Variants in CDH12 observed in about 807,000 individuals in gnomAD.
The protein encoded by CDH12 is cadherin-12.
CDH12 carries 41 observed loss-of-function variants against 74.1 expected under a neutral mutation model. The observed-to-expected ratio is 0.55, with a 90% CI of 0.43 to 0.72. CDH12 has a LOEUF of 0.72. Among genes scored for constraint, CDH12 ranks in the 30% least tolerant of loss-of-function variants. The pLI, the probability that CDH12 is intolerant of heterozygous loss-of-function variation, is 0.00. For missense variants in CDH12, 945 were observed against 977.2 expected (o/e 0.97, Z 0.44); for synonymous variants, 399 against 355.0 (o/e 1.12, Z -1.39).
chr5:22,510,016 A>G (rs186955512), intron 1 of CDH12, among the ~76,000 whole-genome samples: 28 of 147,668 alleles, frequency 1.9e-4, no homozygotes, highest in African/African-American at 6.7e-4. Flanking sequence ...GAAAAAATTT[A>G]AAAAAAAAAA....
chr5:22,705,177 T>C (rs1742936088), intron 1 of CDH12, among the ~76,000 whole-genome samples: 1 of 145,468 alleles, frequency 6.9e-6, no homozygotes, highest in Admixed American at 6.9e-5. Context: ...TAGAGATACG[T>C]GTGTGTGTAT....
chr5:22,678,167 A>G (rs1220827310), intron 1 of CDH12, among the ~76,000 whole-genome samples: 2 of 152,052 alleles, frequency 1.3e-5, no homozygotes, highest in Non-Finnish European at 2.9e-5. Flanking sequence ...CGAATCTACA[A>G]ATTTAGAAAA....
At chr5:21,786,060 G>A (rs917176279) in intron 10 of CDH12, among the ~76,000 whole-genome samples, 1 of 152,118 alleles carries the variant, frequency 6.6e-6, no homozygotes, top group Non-Finnish European at 1.5e-5. Context: ...AAAAATCCTA[G>A]AGCCCCTATG....
chr5:21,827,913 C>T (rs1748769163), intron 8 of CDH12, among the ~76,000 whole-genome samples: 1 of 152,196 alleles, frequency 6.6e-6, no homozygotes, highest in African/African-American at 2.4e-5. Context: ...ATTTAATATT[C>T]TCTTAAAACC....
At chr5:22,757,187 G>A (rs1745969950) in intron 1 of CDH12, among the ~76,000 whole-genome samples, 1 of 152,088 alleles carries the variant, frequency 6.6e-6, no homozygotes, top group Non-Finnish European at 1.5e-5. Context: ...GTAGATAAAA[G>A]CTATCTCTTG....
At chr5:22,473,217 A>C (rs772701479) in intron 2 of CDH12, among the ~76,000 whole-genome samples, 1 of 152,136 alleles carries the variant, frequency 6.6e-6, no homozygotes, top group Non-Finnish European at 1.5e-5. Flanking sequence ...AAAATTTATT[A>C]AAAAGCCTTT....
chr5:22,180,551 C>T (rs191033484), intron 4 of CDH12, among the ~76,000 whole-genome samples: 11 of 151,166 alleles, frequency 7.3e-5, no homozygotes, highest in African/African-American at 2.7e-4. Context: ...TTCACTTTGT[C>T]GCCCAAGCTG....
intron 1 of CDH12, among the ~76,000 whole-genome samples, chr5:22,691,288 T>G (rs542540082): frequency 6.6e-6 from 1 of 152,186 alleles, no homozygotes; most frequent in Non-Finnish European, 1.5e-5. Context: ...CCATGTTAAC[T>G]ATGAGCTAGA....
intron 10 of CDH12, among the ~76,000 whole-genome samples, chr5:21,791,379 G>A (rs781595725): frequency 6.6e-6 from 1 of 151,980 alleles, no homozygotes; most frequent in Non-Finnish European, 1.5e-5. Context: ...AAATTTTGAG[G>A]AGTTACAGCC....
At chr5:22,828,601 C>T (rs958328856) in intron 1 of CDH12, among the ~76,000 whole-genome samples, 10 of 152,088 alleles carry the variant, frequency 6.6e-5, no homozygotes, top group East Asian at 1.9e-4. Context: ...GAATAAAGTC[C>T]GCTGAAGGAA....
chr5:22,289,950 C>T (rs565373698), intron 3 of CDH12, among the ~76,000 whole-genome samples: 3 of 152,190 alleles, frequency 2.0e-5, no homozygotes, highest in South Asian at 2.1e-4. Context: ...CAGTGTTAGG[C>T]CAGCTTCAGG....
At chr5:22,660,071 C>T (rs78395177) in intron 1 of CDH12, among the ~76,000 whole-genome samples, 7,217 of 152,050 alleles carry the variant, frequency 0.047, 216 homozygotes, top group Admixed American at 0.074. Flanking sequence ...TTCTTTCATG[C>T]TTTCAAGGAA....
chr5:21,872,586 G>A (rs958792720), intron 6 of CDH12, among the ~76,000 whole-genome samples: 3 of 152,104 alleles, frequency 2.0e-5, no homozygotes, highest in African/African-American at 4.8e-5. Flanking sequence ...GGCTCTCAGC[G>A]ATAATTCAGT....
At chr5:22,562,069 G>A (rs977523204) in intron 1 of CDH12, among the ~76,000 whole-genome samples, 8 of 152,184 alleles carry the variant, frequency 5.3e-5, no homozygotes, top group Non-Finnish European at 1.2e-4. Flanking sequence ...TGTAATCCCA[G>A]CACTTTGGGA....
In CDH12 at chr5:22,088,403, G is replaced by A. The variant is rs1743202404; in HGVS notation, c.-186-9541C>T. ...AGACCCACCAAGTCAAGCATACTGG[G>A]ACCTCCTCTCCTTGCCTTAGGTTTC... is the stretch of plus-strand genomic sequence containing the variant. On this transcript the variant is annotated intron_variant, in intron 4 of 14. Coordinates refer to ENST00000382254, the MANE Select transcript of CDH12 (RefSeq NM_004061.5). Among the ~76,000 whole-genome samples the A allele has an allele frequency of 2.6e-5, 4 of 151,990 alleles. No homozygotes were observed. In the South Asian group the frequency reaches 8.3e-4, roughly 32 times the overall value.
chr5:22,225,015 T>G (rs1752146076), intron 3 of CDH12, among the ~76,000 whole-genome samples: 1 of 151,966 alleles, frequency 6.6e-6, no homozygotes, highest in African/African-American at 2.4e-5. Flanking sequence ...GTAAAATTGA[T>G]TTATATTTAT....
Position 22,621,471 on chromosome 5 carries a change from A to C in CDH12, c.-522-116107T>G, listed in dbSNP as rs79124609. Among the ~76,000 whole-genome samples, 458 of 151,276 alleles carry C rather than the reference A, an allele frequency of 3.0e-3. 4 individuals carry two copies. Among genetic ancestry groups the C allele is most frequent in the African/African-American group, 0.011 (437 of 41,458 alleles). On this transcript the variant is annotated intron_variant, in intron 1 of 14. Coordinates refer to ENST00000382254, the MANE Select transcript of CDH12 (RefSeq NM_004061.5). ...GTTAGTGAACTGAGCTTCCAACCTG[A>C]AAAATCTTAGAAAAAAATTCTCAGA...
At chr5:22,476,648 T>C (rs1030778421) in intron 2 of CDH12, among the ~76,000 whole-genome samples, 20 of 152,164 alleles carry the variant, frequency 1.3e-4, no homozygotes, top group Non-Finnish European at 2.6e-4. Context: ...ATGTAACCAA[T>C]ATATTTATTT....
At chr5:22,219,003 A>T (rs1269704811) in intron 3 of CDH12, among the ~76,000 whole-genome samples, 1 of 151,764 alleles carries the variant, frequency 6.6e-6, no homozygotes, top group East Asian at 1.9e-4. Context: ...ATCTATCCAG[A>T]TAATAGTTCA....
Sources: allele counts gnomAD v4.1 joint callset (sites outside exome capture counted in the v4.1 genomes callset), GRCh38; gene constraint gnomAD v4.1.1; transcripts MANE v1.5; gene names NCBI Gene and HGNC (gene_info 2026-07-23, HGNC 2026-07-21).